Variants in KIAA1671 observed in about 807,000 individuals in gnomAD.
KIAA1671 encodes the protein KIAA1671.
KIAA1671 carries 52 observed loss-of-function variants against 131.2 expected under a neutral mutation model. The observed-to-expected ratio is 0.40, with a 90% CI of 0.32 to 0.50. The LOEUF is 0.50. Ranked by LOEUF, KIAA1671 falls within the 20% of genes least tolerant of loss-of-function variation. The pLI is 0.73. For synonymous variants in KIAA1671, 1,003 were observed against 961.6 expected, an observed-to-expected ratio of 1.04 and a Z score of -0.80; for missense variants, 2,360 against 2,364.2, an observed-to-expected ratio of 1.00 and a Z score of 0.04.
chr22:24,959,515 C>G (rs898561393), intron 1 of KIAA1671, among the ~76,000 whole-genome samples: 1 of 152,042 alleles, frequency 6.6e-6, no homozygotes, highest in African/African-American at 2.4e-5. Flanking sequence ...GAGTGAGACT[C>G]TGTCTCAAAA....
chr22:25,038,291 C>T (rs890019261), intron 4 of KIAA1671, among the ~76,000 whole-genome samples: 4 of 152,204 alleles, frequency 2.6e-5, no homozygotes, highest in African/African-American at 4.8e-5. Context: ...CGTGAGCCAC[C>T]GCGCCTGGCT....
chr22:25,114,693 G>A (rs184334116), intron 6 of KIAA1671, among the ~76,000 whole-genome samples: 29 of 152,268 alleles, frequency 1.9e-4, no homozygotes, highest in Middle Eastern at 3.4e-3. Context: ...TAGTTCTTGT[G>A]GCAACCAAAC....
At chr22:25,065,154 T>C (rs1282143027) in intron 6 of KIAA1671, 1 of 152,032 alleles carries the variant, frequency 6.6e-6, no homozygotes, top group Non-Finnish European at 1.5e-5. Context: ...GGCGGCTGTA[T>C]GGTGAAGGGT....
intron 6 of KIAA1671, among the ~76,000 whole-genome samples, chr22:25,099,884 A>G (rs1930578225): frequency 1.3e-5 from 2 of 152,072 alleles, no homozygotes; most frequent in Admixed American, 6.5e-5. Flanking sequence ...TGGAATATCC[A>G]TGCCTGTTGC....
rs371211924 is a variant in KIAA1671 at position 25,039,538 on chromosome 22, G to A, written c.2408G>A (p.Arg803Gln). 7.9e-5 allele frequency: 122 copies of A among 1,551,844 alleles called. No individual in the cohort carries two copies. The East Asian group carries it at 1.1e-3, about 13-fold the overall frequency. Residue 803 changes from arginine to glutamine, a missense_variant, in exon 5 of 13, where the codon CGA (arginine) becomes CAA (glutamine). This residue lies in a region of KIAA1671 where 1,185 missense variants were observed against 1,126.2 expected (regional missense o/e 1.05). Transcript: ENST00000358431. ...VQRASLIWEA[R>Q]GMPEASGPKF... ...AGGGCCAGTTTGATTTGGGAAGCTC[G>A]AGGCATGCCTGAGGCTAGTGGACCG... is the stretch of plus-strand genomic sequence containing the variant.
chr22:25,001,153 G>T (rs191616296), intron 1 of KIAA1671, among the ~76,000 whole-genome samples: 1 of 151,730 alleles, frequency 6.6e-6, no homozygotes, highest in African/African-American at 2.4e-5. Flanking sequence ...TTTGTAAAAT[G>T]TGTGTATGTG....
intron 11 of KIAA1671, among the ~76,000 whole-genome samples, chr22:25,189,288 T>A (rs1021649130): frequency 2.0e-5 from 3 of 152,072 alleles, no homozygotes; most frequent in African/African-American, 7.2e-5. Flanking sequence ...TTCTCCTGCC[T>A]CAGCCTCCTG....
At position 25,188,534 on chromosome 22, in the gene KIAA1671, G is replaced by A. The variant is rs183495709; in HGVS notation, c.5343-2168G>A. On this transcript the variant is annotated intron_variant, in intron 11 of 12. Transcript: ENST00000358431. ...TCCCTGAACAAGGCAGAGATTAGGG[G>A]TACTGACTTCCTACTTAGTCAAAAA... Among the ~76,000 whole-genome samples, 8 of 151,038 alleles carry A rather than the reference G, an allele frequency of 5.3e-5. No homozygotes were observed. The South Asian group carries it at 8.4e-4, about 16-fold the overall frequency.
At position 25,196,919 on chromosome 22, in the gene KIAA1671, G is replaced by A. The variant is rs1160931730; in HGVS notation, c.*4518G>A. 6.6e-6 allele frequency: 1 copy of A among 152,066 alleles called. No individual in the cohort carries two copies. Among genetic ancestry groups the A allele is most frequent in the Non-Finnish European group, 1.5e-5 (1 of 68,050 alleles). The allele number at this position is 152,066 out of a possible 1,614,324, so 9.4% of individuals were successfully genotyped here. A position where few individuals can be genotyped will look rare whatever the true frequency, so the allele number is the denominator to read the frequency against. On this transcript the variant is annotated 3_prime_UTR_variant, in exon 13 of 13. Transcript: ENST00000358431. ...TCGTGATCCTCCAAATGCTTTGTAA[G>A]ATGGGGCAGGGCGTGGAAATATATA...
At chr22:24,974,256 T>C (rs1922793622) in intron 1 of KIAA1671, among the ~76,000 whole-genome samples, 1 of 152,140 alleles carries the variant, frequency 6.6e-6, no homozygotes, top group African/African-American at 2.4e-5. Flanking sequence ...CCTTGTGACA[T>C]TGGGCAGGTC....
chr22:25,021,822 T>TGTTGCCCAGGCTGGAGTGCAGTG (rs1300752871), intron 1 of KIAA1671, among the ~76,000 whole-genome samples: 2 of 151,734 alleles, frequency 1.3e-5, no homozygotes, highest in East Asian at 3.9e-4. Context: ...AGTCTCGCTC[T>TGTTGCCCAGGCTGGAGTGCAGTG]GTTGCCCAGG....
In KIAA1671 at chr22:25,028,811, C is replaced by T. The variant is rs1926108107; in HGVS notation, c.812C>T (p.Pro271Leu). ...AATVGKVPPT[P>L]PEKTWVRKPR... ...ACAGTGGGCAAAGTGCCACCCACCC[C>T]TCCCGAGAAGACGTGGGTGAGGAAG... The change falls in exon 3 of 13, where the codon CCT becomes CTT. Residue 271 changes from proline to leucine, a missense_variant. This residue lies in a region of KIAA1671 where 1,185 missense variants were observed against 1,126.2 expected (regional missense o/e 1.05). Transcript: ENST00000358431. The T allele has an allele frequency of 6.4e-7, 1 of 1,551,100 alleles. No individual in the cohort carries two copies. Among genetic ancestry groups the T allele is most frequent in the Admixed American group, 2.0e-5 (1 of 50,992 alleles).
chr22:24,998,271 G>A lies in KIAA1671; in HGVS notation c.-207-27362G>A, dbSNP rs577869447. 2.6e-5 allele frequency among the ~76,000 whole-genome samples: 4 copies of A among 152,024 alleles called. No homozygotes were observed. The South Asian group carries it at 6.3e-4, about 24-fold the overall frequency. ...AAAACACAACAACAAAAAATTAGAC[G>A]GGCATGGCAGCGGAGGCCTGTAGAT... is the stretch of plus-strand genomic sequence containing the variant. On this transcript the variant is annotated intron_variant, in intron 1 of 12. Transcript: ENST00000358431.
At position 24,974,753 on chromosome 22, in the gene KIAA1671, C is replaced by T. The variant is rs1029058509; in HGVS notation, c.-208+21981C>T. ...TGTTGCCCAGGCTGGAGTGTAATGG[C>T]GTGATCTCGGCTCACTGCAACCTCA... is the stretch of plus-strand genomic sequence containing the variant. On this transcript the variant is annotated intron_variant, in intron 1 of 12. Transcript: ENST00000358431. Among the ~76,000 whole-genome samples the T allele has an allele frequency of 4.0e-4, 51 of 127,194 alleles. 1 individual carries two copies. Among genetic ancestry groups the T allele is most frequent in the African/African-American group, 1.4e-3 (46 of 32,642 alleles). 83.4% of individuals were successfully genotyped at this position (127,194 alleles called of 152,430 possible).
intron 6 of KIAA1671, among the ~76,000 whole-genome samples, chr22:25,101,773 T>A (rs1186924952): frequency 6.6e-6 from 1 of 152,074 alleles, no homozygotes; most frequent in Non-Finnish European, 1.5e-5. Context: ...TCTCACACAG[T>A]GGGTACGATG....
At chr22:25,055,758 G>A (rs1463619935) in intron 6 of KIAA1671, 2 of 148,702 alleles carry the variant, frequency 1.3e-5, no homozygotes, top group African/African-American at 4.9e-5. Flanking sequence ...TTGTTGAGTT[G>A]TAGGAATACA....
At chr22:24,977,236 T>A (rs1922960252) in intron 1 of KIAA1671, among the ~76,000 whole-genome samples, 1 of 152,176 alleles carries the variant, frequency 6.6e-6, no homozygotes, top group Non-Finnish European at 1.5e-5. Context: ...ACCTCGGAAT[T>A]GTGTTTCTTT....
chr22:25,144,462 C>G (rs989114064), intron 6 of KIAA1671, among the ~76,000 whole-genome samples: 72 of 152,192 alleles, frequency 4.7e-4, no homozygotes, highest in African/African-American at 1.7e-3. Flanking sequence ...GGGCCTCACT[C>G]CCTTTCCATA....
intron 1 of KIAA1671, among the ~76,000 whole-genome samples, chr22:25,021,318 C>CA (rs1925653271): frequency 6.6e-6 from 1 of 151,934 alleles, no homozygotes; most frequent in Non-Finnish European, 1.5e-5. Flanking sequence ...CTCCGCCTCC[C>CA]AAAGTGCTGG....
Sources: gnomAD v4.1 joint callset for allele counts (sites outside exome capture counted in the v4.1 genomes callset) on GRCh38, gnomAD v4.1.1 for gene constraint, gnomAD v4.1.1 regional missense constraint, MANE v1.5 for transcripts, NCBI Gene and HGNC (gene_info 2026-07-23, HGNC 2026-07-21) for gene names.